The following EPB41L3 variants were observed in gnomAD, a reference collection of about 807,000 sequenced individuals.
EPB41L3 encodes erythrocyte membrane protein band 4.1 like 3, also known as band 4.1-like protein 3.
In EPB41L3, 57 loss-of-function variants were observed where a neutral mutation model predicts 127.1. The observed-to-expected ratio is 0.45, with a 90% CI of 0.36 to 0.56. The LOEUF (loss-of-function observed/expected upper bound fraction) is 0.56, where lower values mean the gene tolerates loss of function less well. Among genes scored for constraint, EPB41L3 ranks in the 20% least tolerant of loss-of-function variants. The probability of loss-of-function intolerance (pLI) is 0.00; values close to 1 mark genes in which losing one functional copy is unlikely to be tolerated. For missense variants in EPB41L3, 1,273 were observed against 1,372.2 expected (o/e 0.93, Z 1.14); for synonymous variants, 572 against 549.5 (o/e 1.04, Z -0.57).
chr18:5,630,483 G>A (rs1464859791), upstream of EPB41L3: 2 of 518,750 alleles, frequency 3.9e-6, no homozygotes, highest in Non-Finnish European at 7.7e-6. Flanking sequence ...GAGAGAGGTA[G>A]GGCTGCTCAC....
At chr18:5,594,323 A>G (rs2094516510) in intron 3 of EPB41L3, among the ~76,000 whole-genome samples, 1 of 152,154 alleles carries the variant, frequency 6.6e-6, no homozygotes, top group Non-Finnish European at 1.5e-5. Flanking sequence ...AATTTTAAAT[A>G]TCTGTTACCC....
chr18:5,587,752 G>A (rs1016564791), intron 3 of EPB41L3, among the ~76,000 whole-genome samples: 1 of 152,090 alleles, frequency 6.6e-6, no homozygotes, highest in African/African-American at 2.4e-5. Flanking sequence ...TTTAATTCCA[G>A]AGAGCAGCTA....
In EPB41L3 at chr18:5,410,604, T is replaced by C; in HGVS notation, c.2083A>G (p.Thr695Ala). The change falls in exon 14 of 23, where the codon ACG becomes GCG. Residue 695 changes from threonine (T) to alanine (A), a missense_variant. By Grantham distance (58) the Thr-to-Ala change is moderately conservative. This residue lies in a region of EPB41L3 where 765 missense variants were observed against 782.9 expected (regional missense o/e 0.98). Transcript: ENST00000341928. ...GTCTCCCCGTCGGCTGCGGTGTCCG[T>C]GCGCTCACTGTCAGTCTGTTGACCA... Reference protein sequence around the residue: ...SSEEETDSERTDTAADGETTA... With the variant: ...SSEEETDSERADTAADGETTA... 6.2e-7 allele frequency: 1 copy of C among 1,613,688 alleles called. No homozygotes were observed. The highest frequency in any genetic ancestry group is 1.7e-4 in the Middle Eastern group (1 of 6,060).
At chr18:5,615,667 TAGGCCCTCAGTAA>T (rs2094786268) in intron 1 of EPB41L3, among the ~76,000 whole-genome samples, 1 of 152,236 alleles carries the variant, frequency 6.6e-6, no homozygotes, top group African/African-American at 2.4e-5. Flanking sequence ...TGGCACATAG[TAGGCCCTCAGTAA>T]ATGGTAGTTC....
rs1480868916 is a variant in EPB41L3 at position 5,397,895 on chromosome 18, G to A, written c.2472+126C>T. On this transcript the variant is annotated intron_variant, in intron 17 of 22. Coordinates refer to ENST00000341928, the MANE Select transcript of EPB41L3 (RefSeq NM_012307.5). The surrounding 1 kb of genome is among the most constrained non-coding windows in gnomAD (Gnocchi z 4.1). ...CAAGCAGACACAAAGGACAATAAGTGAAGACACCTTTGAGATGTTGAAGGC... is the reference window on the plus strand; with the variant it reads ...CAAGCAGACACAAAGGACAATAAGTAAAGACACCTTTGAGATGTTGAAGGC... 9.3e-7 allele frequency: 1 copy of A among 1,073,156 alleles called. No homozygotes were observed. Among genetic ancestry groups the A allele is most frequent in the African/African-American group, 1.6e-5 (1 of 63,176 alleles). 66.5% of individuals were successfully genotyped at this position (1,073,156 alleles called of 1,614,324 possible).
At chr18:5,493,636 C>G (rs1253852067) in intron 1 of EPB41L3, among the ~76,000 whole-genome samples, 1 of 152,068 alleles carries the variant, frequency 6.6e-6, no homozygotes, top group African/African-American at 2.4e-5. Context: ...ACCAAAACAA[C>G]CTGCTGTTGG....
intron 1 of EPB41L3, among the ~76,000 whole-genome samples, chr18:5,618,319 T>C (rs547205463): frequency 1.2e-4 from 18 of 152,194 alleles, no homozygotes; most frequent in Non-Finnish European, 2.2e-4. Flanking sequence ...TCTTTGATCA[T>C]TGCTTGTCTT....
intron 1 of EPB41L3, among the ~76,000 whole-genome samples, chr18:5,627,316 G>A (rs2094933048): frequency 6.6e-6 from 1 of 152,130 alleles, no homozygotes; most frequent in African/African-American, 2.4e-5. Flanking sequence ...GTTCATCCCC[G>A]TGTTCCTAAC....
At chr18:5,544,341 T>G, upstream of EPB41L3, 1 of 985,096 alleles carries the variant, frequency 1.0e-6, no homozygotes, top group Non-Finnish European at 1.2e-6. Flanking sequence ...AGACATCCCC[T>G]GTGAGAAAGG....
At chr18:5,595,960 G>A (rs2094533204) in intron 3 of EPB41L3, among the ~76,000 whole-genome samples, 1 of 152,018 alleles carries the variant, frequency 6.6e-6, no homozygotes, top group Non-Finnish European at 1.5e-5. Context: ...CTTTATAACC[G>A]TTTTTAAGTC....
At chr18:5,450,248 T>C (rs2082110643) in intron 3 of EPB41L3, among the ~76,000 whole-genome samples, 2 of 152,150 alleles carry the variant, frequency 1.3e-5, no homozygotes, top group South Asian at 2.1e-4. Context: ...GTTATCTGTA[T>C]GATCATGAAA....
At chr18:5,474,773 T>C (rs897039511) in intron 3 of EPB41L3, among the ~76,000 whole-genome samples, 5 of 152,174 alleles carry the variant, frequency 3.3e-5, no homozygotes, top group African/African-American at 1.2e-4. Flanking sequence ...TTTCTTTGTG[T>C]CTGCATGTCT....
At chr18:5,599,967 C>T (rs376513456) in intron 3 of EPB41L3, among the ~76,000 whole-genome samples, 6 of 151,980 alleles carry the variant, frequency 3.9e-5, no homozygotes, top group South Asian at 2.1e-4. Flanking sequence ...AATTGAATAC[C>T]GTGATACAGT....
In EPB41L3 at chr18:5,490,612, A is replaced by G. The variant is rs545776362; in HGVS notation, c.-11-1418T>C. Among the ~76,000 whole-genome samples, 6 of 152,346 alleles carry G rather than the reference A, an allele frequency of 3.9e-5. No homozygotes were observed. In the South Asian group the frequency reaches 8.3e-4, roughly 21 times the overall value. ...GCATATATAAATATCGAGTCTGAAT[A>G]CAGAGAAAGGTAGTGATGCAAATAA... On this transcript the variant is annotated intron_variant, in intron 1 of 22. Transcript: ENST00000341928.
chr18:5,585,829 G>A (rs991047044), intron 3 of EPB41L3, among the ~76,000 whole-genome samples: 2 of 152,126 alleles, frequency 1.3e-5, no homozygotes, highest in African/African-American at 2.4e-5. Context: ...TGAGAAGCGG[G>A]GGTATTTCTC....
intron 7 of EPB41L3, 95 bp from the exon 8 acceptor site, chr18:5,433,651 C>A: frequency 9.0e-7 from 1 of 1,106,750 alleles, no homozygotes; most frequent in Admixed American, 2.2e-5. Flanking sequence ...CATAAGAAGT[C>A]CTATGGAGGC....
chr18:5,408,424 C>A (rs1357948204), intron 14 of EPB41L3, among the ~76,000 whole-genome samples: 4 of 151,826 alleles, frequency 2.6e-5, no homozygotes, highest in Admixed American at 1.3e-4. Flanking sequence ...CAGGCGCCTG[C>A]CACCATGCCT....
intron 1 of EPB41L3, among the ~76,000 whole-genome samples, chr18:5,494,133 C>T (rs1231691977): frequency 6.6e-6 from 1 of 152,102 alleles, no homozygotes; most frequent in African/African-American, 2.4e-5. Flanking sequence ...ACCTGGATAT[C>T]TCAGAAGCAC....
intron 16 of EPB41L3, chr18:5,398,539 A>T: frequency 2.5e-6 from 1 of 404,250 alleles, no homozygotes; most frequent in Non-Finnish European, 4.3e-6. Context: ...GCTGCTCTCA[A>T]CATAAAGCCA....
Sources: gnomAD v4.1 joint callset for allele counts (sites outside exome capture counted in the v4.1 genomes callset) on GRCh38, gnomAD v4.1.1 for gene constraint, gnomAD v4.1.1 regional missense constraint, Gnocchi (gnomAD v3.1) non-coding constraint, MANE v1.5 for transcripts, NCBI Gene and HGNC (gene_info 2026-07-23, HGNC 2026-07-21) for gene names.